The following CCDC138 variants were observed in gnomAD, a reference collection of about 807,000 sequenced individuals.
CCDC138 encodes the protein coiled-coil domain-containing protein 138.
In CCDC138, 66 loss-of-function variants were observed where a neutral mutation model predicts 82.3. That is an observed-to-expected ratio of 0.80 (90% CI 0.66 to 0.98). The LOEUF (loss-of-function observed/expected upper bound fraction) is 0.98. Ranked by LOEUF, CCDC138 falls within the 50% of genes least tolerant of loss-of-function variation. CCDC138 has a pLI of 0.00. For missense variants in CCDC138, 816 were observed against 758.9 expected (o/e 1.08, Z -0.88); for synonymous variants, 297 against 265.4 (o/e 1.12, Z -1.16).
intron 2 of CCDC138, chr2:108,883,196 A>T (rs1288980838): frequency 2.0e-5 from 3 of 152,200 alleles, no homozygotes; most frequent in African/African-American, 7.2e-5. Context: ...ACTTTGTATC[A>T]TGAGGTCTGC....
intron 9 of CCDC138, among the ~76,000 whole-genome samples, chr2:108,814,207 GAGTGTAATGATACACTCCCATTAAC>G (rs1200308294): frequency 6.6e-6 from 1 of 152,148 alleles, no homozygotes; most frequent in Admixed American, 6.5e-5. Flanking sequence ...GTACAAATGG[GAGTGTAATGATACACTCCCATTAAC>G]AGTGTATCAA....
intron 12 of CCDC138, among the ~76,000 whole-genome samples, chr2:108,850,912 C>G (rs751060292): frequency 6.6e-6 from 1 of 152,130 alleles, no homozygotes; most frequent in Non-Finnish European, 1.5e-5. Context: ...ACAAGCTGCT[C>G]CAATTCACTT....
At chr2:108,790,520 T>C (rs1679732394) in intron 3 of CCDC138, among the ~76,000 whole-genome samples, 1 of 152,124 alleles carries the variant, frequency 6.6e-6, no homozygotes. Context: ...ATATACACAC[T>C]GGCTTTCTAA....
At chr2:108,821,822 A>G (rs939150436) in intron 10 of CCDC138, among the ~76,000 whole-genome samples, 1 of 151,474 alleles carries the variant, frequency 6.6e-6, no homozygotes, top group Non-Finnish European at 1.5e-5. Flanking sequence ...GTGGGTGCCT[A>G]TAATCCCAGC....
intron 11 of CCDC138, among the ~76,000 whole-genome samples, chr2:108,841,924 T>C (rs186489364): frequency 1.1e-3 from 167 of 152,332 alleles, no homozygotes; most frequent in African/African-American, 4.0e-3. Flanking sequence ...TTTCTAATAG[T>C]TCTTCTTGGT....
At position 108,794,770 on chromosome 2, in the gene CCDC138, G is replaced by A. The variant is rs752501763; in HGVS notation, c.576+49G>A. The A allele has an allele frequency of 1.5e-5, 21 of 1,397,000 alleles. No individual in the cohort carries two copies. The Middle Eastern group carries it at 7.7e-4, about 51-fold the overall frequency. The allele number at this position is 1,397,000 out of a possible 1,614,324, so 86.5% of individuals were successfully genotyped here. Reference sequence around the variant, plus strand: ...GAATTCAGAAATATTTATGTTCTAAGAACCAAGCATTTACGAAATTTGAAT... The same window carrying A: ...GAATTCAGAAATATTTATGTTCTAAAAACCAAGCATTTACGAAATTTGAAT... On this transcript the variant is annotated intron_variant, in intron 5 of 14. Transcript: ENST00000295124.
At chr2:108,828,786 G>T (rs1687062664) in intron 10 of CCDC138, among the ~76,000 whole-genome samples, 1 of 152,060 alleles carries the variant, frequency 6.6e-6, no homozygotes, top group Non-Finnish European at 1.5e-5. Flanking sequence ...AGACCAGCCT[G>T]GCCAACATAG....
intron 10 of CCDC138, among the ~76,000 whole-genome samples, chr2:108,831,781 G>A (rs1687716530): frequency 6.7e-6 from 1 of 148,282 alleles, no homozygotes; most frequent in Middle Eastern, 3.2e-3. Flanking sequence ...TGCCCAGGCT[G>A]GAGCGCAATG....
intron 14 of CCDC138, among the ~76,000 whole-genome samples, chr2:108,875,332 A>C (rs78753446): frequency 7.3e-6 from 1 of 136,096 alleles, no homozygotes; most frequent in African/African-American, 2.5e-5. Flanking sequence ...AAAAAAAAAA[A>C]AAAAGAAACA....
At chr2:108,845,619 T>G (rs545369818) in intron 11 of CCDC138, among the ~76,000 whole-genome samples, 1 of 150,250 alleles carries the variant, frequency 6.7e-6, no homozygotes, top group South Asian at 2.1e-4. Context: ...TCACCCAGGC[T>G]GGAGTGCAGT....
chr2:108,853,994 A>G (rs1367216550), intron 12 of CCDC138, among the ~76,000 whole-genome samples: 1 of 10,694 alleles, frequency 9.4e-5, no homozygotes, highest in African/African-American at 1.6e-4. Flanking sequence ...ATATATAATA[A>G]ATTTATATTA....
At chr2:108,869,576 A>G (rs1694927983) in intron 13 of CCDC138, among the ~76,000 whole-genome samples, 5 of 152,240 alleles carry the variant, frequency 3.3e-5, no homozygotes, top group Admixed American at 3.3e-4. Context: ...GTGGATGTGT[A>G]GGAGGAAGAG....
At chr2:108,800,608 CTTTTTTTTTTTTTT>C (rs67529329) in intron 6 of CCDC138, among the ~76,000 whole-genome samples, 6 of 33,492 alleles carry the variant, frequency 1.8e-4, no homozygotes, top group Admixed American at 1.1e-3. Context: ...CTCAGTTTAG[CTTTTTTTTTTTTTT>C]TTTTTTTTTT....
Position 108,791,680 on chromosome 2 carries a change from A to G in CCDC138, c.272A>G (p.Asp91Gly). The G allele has an allele frequency of 1.2e-6, 2 of 1,605,716 alleles. No individual in the cohort carries two copies. The highest frequency in any genetic ancestry group is 1.7e-6 in the Non-Finnish European group (2 of 1,174,910). ...LFKHVNVNCL[D>G]DELDSFHDLK... is the part of the protein sequence containing the mutation. Reference sequence around the variant, plus strand: ...ATACAATTATTTTTTTAAAGCCTAGATGATGAACTGGATTCTTTCCATGAT... The same window carrying G: ...ATACAATTATTTTTTTAAAGCCTAGGTGATGAACTGGATTCTTTCCATGAT... Residue 91 changes from aspartate (D) to glycine (G), a missense_variant, in exon 4 of 15, where the codon GAT becomes GGT. Asp to Gly is a moderately conservative substitution (Grantham distance 94). Transcript: ENST00000295124.
chr2:108,830,625 G>T (rs998026301), intron 10 of CCDC138, among the ~76,000 whole-genome samples: 2 of 151,618 alleles, frequency 1.3e-5, no homozygotes, highest in Non-Finnish European at 2.9e-5. Context: ...TGGCCAATGT[G>T]GTGAAACTCT....
intron 13 of CCDC138, among the ~76,000 whole-genome samples, chr2:108,865,150 A>G (rs1478181022): frequency 6.6e-6 from 1 of 151,984 alleles, no homozygotes; most frequent in African/African-American, 2.4e-5. Flanking sequence ...TATTTTATAT[A>G]GATATATATT....
intron 4 of CCDC138, among the ~76,000 whole-genome samples, chr2:108,792,836 G>A (rs1016445088): frequency 2.6e-5 from 4 of 152,196 alleles, no homozygotes; most frequent in South Asian, 4.2e-4. Context: ...AGGCCGAGGC[G>A]GGTGGATCAC....
downstream of CCDC138, among the ~76,000 whole-genome samples, chr2:108,877,720 A>T (rs1696123012): frequency 6.6e-6 from 1 of 152,178 alleles, no homozygotes; most frequent in African/African-American, 2.4e-5. Context: ...AATATTCAGA[A>T]ATATAGTTGA....
chr2:108,852,260 A>G (rs1691638145), intron 12 of CCDC138, among the ~76,000 whole-genome samples: 1 of 152,114 alleles, frequency 6.6e-6, no homozygotes, highest in African/African-American at 2.4e-5. Context: ...GTAAGATACA[A>G]CTCTTCTTTA....
Sources: allele counts gnomAD v4.1 joint callset (sites outside exome capture counted in the v4.1 genomes callset), GRCh38; gene constraint gnomAD v4.1.1; transcripts MANE v1.5; gene names NCBI Gene and HGNC (gene_info 2026-07-23, HGNC 2026-07-21).